Variants in OPRD1 observed in about 807,000 individuals in gnomAD.
OPRD1 encodes the protein opioid receptor delta 1, also known as delta-type opioid receptor.
Under a neutral mutation model 17.5 loss-of-function variants are expected in OPRD1, and 19 were observed. That is an observed-to-expected ratio of 1.09 (90% CI 0.76 to 1.60). OPRD1 has a LOEUF of 1.60. Ranked by LOEUF, OPRD1 falls within the 40% of genes most tolerant of loss-of-function variation. The pLI, the probability that OPRD1 is intolerant of heterozygous loss-of-function variation, is 0.00. For synonymous variants in OPRD1, 256 were observed against 240.9 expected (o/e 1.06, Z -0.58); for missense variants, 483 against 547.2 (o/e 0.88, Z 1.17).
intron 1 of OPRD1, among the ~76,000 whole-genome samples, chr1:28,846,054 C>G (rs1260119082): frequency 6.6e-6 from 1 of 152,208 alleles, no homozygotes; most frequent in Non-Finnish European, 1.5e-5. Flanking sequence ...TGATTTGACT[C>G]CTGCAGATTT....
intron 1 of OPRD1, among the ~76,000 whole-genome samples, chr1:28,830,578 G>T (rs1368009873): frequency 1.3e-5 from 2 of 151,996 alleles, no homozygotes; most frequent in African/African-American, 4.8e-5. Flanking sequence ...AACCATAAGA[G>T]ATATAATTAT....
At chr1:28,824,901 G>A (rs924053563) in intron 1 of OPRD1, among the ~76,000 whole-genome samples, 5 of 150,636 alleles carry the variant, frequency 3.3e-5, no homozygotes, top group Admixed American at 1.3e-4. Context: ...GCGCGATCTC[G>A]GCTCACTGCA....
chr1:28,863,249 C>G lies in OPRD1; in HGVS notation c.1085C>G (p.Pro362Arg). ...TARERVTACT[P>R]SDGPGGGAAA is the part of the protein sequence containing the mutation. ...CGCGAGCGTGTCACCGCCTGCACCC[C>G]GTCCGATGGTCCCGGCGGTGGCGCT... is the stretch of plus-strand genomic sequence containing the variant. Residue 362 changes from proline to arginine, a missense_variant, in exon 3 of 3, where the codon CCG becomes CGG. Coordinates refer to ENST00000234961, the MANE Select transcript of OPRD1 (RefSeq NM_000911.4). 6.6e-7 allele frequency: 1 copy of G among 1,523,618 alleles called. No individual in the cohort carries two copies. Among genetic ancestry groups the G allele is most frequent in the Non-Finnish European group, 8.7e-7 (1 of 1,146,070 alleles). 94.4% of individuals were successfully genotyped at this position (1,523,618 alleles called of 1,614,324 possible). A position where few individuals can be genotyped will look rare whatever the true frequency, so the allele number is the denominator to read the frequency against.
At position 28,842,161 on chromosome 1, in the gene OPRD1, C is replaced by T. The variant is rs2088901605; in HGVS notation, c.228-16793C>T. Among the ~76,000 whole-genome samples the T allele has an allele frequency of 2.6e-5, 4 of 152,118 alleles. No homozygotes were observed. The South Asian group carries it at 8.3e-4, about 31-fold the overall frequency. On this transcript the variant is annotated intron_variant, in intron 1 of 2. Coordinates refer to ENST00000234961, the MANE Select transcript of OPRD1 (RefSeq NM_000911.4). ...CCTCCCACCTCAGCCTCCGGGGTAG[C>T]TGGGACTATAGGCATGCGCCACCAC...
At chr1:28,817,714 C>CT (rs893813723) in intron 1 of OPRD1, among the ~76,000 whole-genome samples, 4 of 151,092 alleles carry the variant, frequency 2.6e-5, no homozygotes, top group Non-Finnish European at 5.9e-5. Context: ...CTTAACTTCC[C>CT]TTTTTTTTTG....
At chr1:28,853,270 C>T (rs936745577) in intron 1 of OPRD1, among the ~76,000 whole-genome samples, 4 of 152,174 alleles carry the variant, frequency 2.6e-5, no homozygotes, top group Admixed American at 1.3e-4. Flanking sequence ...AGTGATGTGT[C>T]GCCACTGGAC....
At chr1:28,846,311 A>C (rs2124279403) in intron 1 of OPRD1, among the ~76,000 whole-genome samples, 1 of 152,308 alleles carries the variant, frequency 6.6e-6, no homozygotes, top group East Asian at 1.9e-4. Flanking sequence ...ACAGAGATTT[A>C]GTTTCTCAGT....
chr1:28,852,749 C>T (rs2089016626), intron 1 of OPRD1, among the ~76,000 whole-genome samples: 1 of 151,206 alleles, frequency 6.6e-6, no homozygotes, highest in African/African-American at 2.4e-5. Context: ...TGGAGTTTTG[C>T]TTTTATTGCC....
chr1:28,822,919 C>T (rs1029218058), intron 1 of OPRD1, among the ~76,000 whole-genome samples: 3 of 152,122 alleles, frequency 2.0e-5, no homozygotes, highest in Non-Finnish European at 2.9e-5. Flanking sequence ...GTCCTGGGAC[C>T]TCAAAATCAA....
intron 1 of OPRD1, among the ~76,000 whole-genome samples, chr1:28,822,108 T>C (rs1340190134): frequency 2.0e-5 from 3 of 151,850 alleles, no homozygotes; most frequent in Non-Finnish European, 4.4e-5. Context: ...TGCGCCACCA[T>C]GCCCGGCTAA....
In OPRD1 at chr1:28,867,920, G is replaced by C. The variant is rs982614922; in HGVS notation, c.*4637G>C. On this transcript the variant is annotated 3_prime_UTR_variant, in exon 3 of 3. Transcript: ENST00000234961. ...GAGCTGTCGGGGCTAGTGATGGAGA[G>C]AGAGAAGAGACTGGAGATCCAGCTT... The C allele has an allele frequency of 5.9e-5, 9 of 152,290 alleles. No homozygotes were observed. The highest frequency in any genetic ancestry group is 2.2e-4 in the African/African-American group (9 of 41,450). The allele number at this position is 152,290 out of a possible 1,614,324, so 9.4% of individuals were successfully genotyped here. A position where few individuals can be genotyped will look rare whatever the true frequency, so the allele number is the denominator to read the frequency against.
chr1:28,823,044 A>G (rs1186522878), intron 1 of OPRD1, among the ~76,000 whole-genome samples: 1 of 151,962 alleles, frequency 6.6e-6, no homozygotes, highest in African/African-American at 2.4e-5. Flanking sequence ...TAGTGGCCCC[A>G]TTACCGGCTG....
chr1:28,853,883 G>T (rs1030475318), intron 1 of OPRD1, among the ~76,000 whole-genome samples: 1 of 150,754 alleles, frequency 6.6e-6, no homozygotes, highest in East Asian at 2.0e-4. Flanking sequence ...CTGGGATTAC[G>T]GTGCTCACCA....
intron 1 of OPRD1, among the ~76,000 whole-genome samples, chr1:28,837,243 T>C (rs556548543): frequency 6.6e-6 from 1 of 152,300 alleles, no homozygotes; most frequent in East Asian, 1.9e-4. Context: ...CTGACTGATC[T>C]GACAGGAGGC....
chr1:28,859,103 C>G lies in OPRD1; in HGVS notation c.377C>G (p.Ser126Cys). 1 of 1,614,234 alleles carries G rather than the reference C, an allele frequency of 6.2e-7. No homozygotes were observed. The highest frequency in any genetic ancestry group is 1.6e-4 in the Middle Eastern group (1 of 6,062). ...FGELLCKAVL[S>C]IDYYNMFTSI... ...GAGCTGCTCTGCAAGGCTGTGCTCT[C>G]CATCGACTACTACAATATGTTCACC... Residue 126 changes from serine to cysteine, a missense_variant, in exon 2 of 3, where the codon TCC becomes TGC. Coordinates refer to ENST00000234961, the MANE Select transcript of OPRD1 (RefSeq NM_000911.4).
At chr1:28,831,073 T>A (rs1005057030) in intron 1 of OPRD1, among the ~76,000 whole-genome samples, 15 of 152,228 alleles carry the variant, frequency 9.9e-5, no homozygotes, top group African/African-American at 3.6e-4. Context: ...TTACAAAAAC[T>A]CATCCTCCCA....
At chr1:28,854,810 G>A (rs761473186) in intron 1 of OPRD1, among the ~76,000 whole-genome samples, 14 of 151,980 alleles carry the variant, frequency 9.2e-5, no homozygotes, top group South Asian at 2.1e-4. Flanking sequence ...ATGCCACTAC[G>A]CCCGGCTAAT....
intron 1 of OPRD1, among the ~76,000 whole-genome samples, chr1:28,853,307 C>T (rs1421992587): frequency 4.6e-5 from 7 of 152,202 alleles, no homozygotes; most frequent in Admixed American, 2.0e-4. Context: ...CTGCAGCTGC[C>T]TCTTCTCCCT....
At chr1:28,861,980 C>T (rs1187317280) in intron 2 of OPRD1, among the ~76,000 whole-genome samples, 3 of 150,394 alleles carry the variant, frequency 2.0e-5, no homozygotes, top group Non-Finnish European at 2.9e-5. Context: ...GGCACGATCT[C>T]GGCTCACTGC....
Sources: gnomAD v4.1 joint callset for allele counts (sites outside exome capture counted in the v4.1 genomes callset) on GRCh38, gnomAD v4.1.1 for gene constraint, MANE v1.5 for transcripts, NCBI Gene and HGNC (gene_info 2026-07-23, HGNC 2026-07-21) for gene names.